The following RBMS2 variants were observed in gnomAD, a reference collection of about 807,000 sequenced individuals.
The protein encoded by RBMS2 is RNA-binding motif, single-stranded-interacting protein 2.
A neutral mutation model predicts 58.4 loss-of-function variants in RBMS2; 38 were observed. The ratio of observed to expected loss-of-function variants is 0.65; its 90% confidence interval spans 0.50 to 0.85. RBMS2 has a LOEUF of 0.85. Ranked by LOEUF, RBMS2 falls within the 40% of genes least tolerant of loss-of-function variation. The pLI, the probability that RBMS2 is intolerant of heterozygous loss-of-function variation, is 0.00. For missense variants in RBMS2, 367 were observed against 503.7 expected (o/e 0.73, Z 2.60); for synonymous variants, 151 against 180.7 (o/e 0.84, Z 1.32).
chr12:56,561,117 T>C (rs1372631859), intron 1 of RBMS2, among the ~76,000 whole-genome samples: 1 of 152,234 alleles, frequency 6.6e-6, no homozygotes, highest in Non-Finnish European at 1.5e-5. Flanking sequence ...TATGGCTCCG[T>C]AGTATTCCAT....
intron 1 of RBMS2, among the ~76,000 whole-genome samples, chr12:56,530,917 G>A (rs999605995): frequency 2.0e-5 from 3 of 152,090 alleles, no homozygotes; most frequent in African/African-American, 7.2e-5. Flanking sequence ...GCTAGGCCCT[G>A]GGGTTAAGGC....
In RBMS2 at chr12:56,581,387, C is replaced by G; in HGVS notation, c.623-12C>G. On this transcript the variant is annotated splice_polypyrimidine_tract_variant and intron_variant, in intron 6 of 13. Transcript: ENST00000262031. ...TGGGACTCAGCTGCCCATCTGCCTT[C>G]TCTCTCGGCAGCCCCATCCGATCCC... is the stretch of plus-strand genomic sequence containing the variant. The G allele has an allele frequency of 1.2e-6, 2 of 1,613,928 alleles. No homozygotes were observed. The highest frequency in any genetic ancestry group is 2.2e-5 in the South Asian group (2 of 91,072).
At chr12:56,524,957 G>T (rs1872390750) in intron 1 of RBMS2, among the ~76,000 whole-genome samples, 1 of 151,654 alleles carries the variant, frequency 6.6e-6, no homozygotes, top group South Asian at 2.1e-4. Flanking sequence ...CCTGACCTCA[G>T]GTAATCTGCC....
intron 1 of RBMS2, among the ~76,000 whole-genome samples, chr12:56,529,583 A>C (rs1021272237): frequency 6.6e-6 from 1 of 151,842 alleles, no homozygotes; most frequent in East Asian, 1.9e-4. Flanking sequence ...AACAATAACA[A>C]CAACAACAAC....
intron 1 of RBMS2, among the ~76,000 whole-genome samples, chr12:56,539,229 C>A (rs2638316): frequency 6.6e-6 from 1 of 151,770 alleles, no homozygotes; most frequent in Non-Finnish European, 1.5e-5. Context: ...GTTGGCCAGG[C>A]TGGTCTGGAA....
At chr12:56,588,455 C>G in intron 12 of RBMS2, 81 bp downstream of exon 12, 1 of 1,244,046 alleles carries the variant, frequency 8.0e-7, no homozygotes, top group Non-Finnish European at 1.2e-6. Flanking sequence ...ATCTTTCTCT[C>G]ACAATGATGC....
chr12:56,591,883 G>A lies in RBMS2; in HGVS notation c.*2750G>A, dbSNP rs1158260260. ...AATCTACTTGTTAGATTGTATTAATGAGTGTTTCTGGTTTGGGCATGGGAA... is the reference window on the plus strand; with the variant it reads ...AATCTACTTGTTAGATTGTATTAATAAGTGTTTCTGGTTTGGGCATGGGAA... On this transcript the variant is annotated 3_prime_UTR_variant, in exon 14 of 14. Coordinates refer to ENST00000262031, the MANE Select transcript of RBMS2 (RefSeq NM_002898.4). 1 of 152,130 alleles carries A rather than the reference G, an allele frequency of 6.6e-6. No individual in the cohort carries two copies. The highest frequency in any genetic ancestry group is 2.4e-5 in the African/African-American group (1 of 41,426). The allele number at this position is 152,130 out of a possible 1,614,324, so 9.4% of individuals were successfully genotyped here. A position where few individuals can be genotyped will look rare whatever the true frequency, so the allele number is the denominator to read the frequency against.
rs189694663 is a variant in RBMS2, at chr12:56,586,149, A to G, written c.874-700A>G. 5.6e-4 allele frequency among the ~76,000 whole-genome samples: 85 copies of G among 152,248 alleles called. No homozygotes were observed. The East Asian group carries it at 0.013, about 24-fold the overall frequency. On this transcript the variant is annotated intron_variant, in intron 9 of 13. Coordinates refer to ENST00000262031, the MANE Select transcript of RBMS2 (RefSeq NM_002898.4). ...TGAGACCATCCTGGCTAACACGGTG[A>G]AACCCTGTCTCTACTGAAAATACAA...
At chr12:56,573,863 C>T (rs1315277055) in intron 5 of RBMS2, among the ~76,000 whole-genome samples, 1 of 151,262 alleles carries the variant, frequency 6.6e-6, no homozygotes, top group Non-Finnish European at 1.5e-5. Flanking sequence ...GTTGTTGAGA[C>T]GAAGTCTCAC....
intron 2 of RBMS2, among the ~76,000 whole-genome samples, chr12:56,564,910 G>A (rs371394843): frequency 6.6e-6 from 1 of 152,168 alleles, no homozygotes; most frequent in Non-Finnish European, 1.5e-5. Flanking sequence ...GAAAGCAGAC[G>A]TTGCAGTGAG....
intron 5 of RBMS2, among the ~76,000 whole-genome samples, chr12:56,572,186 G>T (rs1247405651): frequency 6.6e-6 from 1 of 151,422 alleles, no homozygotes; most frequent in Non-Finnish European, 1.5e-5. Context: ...CTACTCAGGA[G>T]GCTGAGGCAG....
chr12:56,556,170 G>A (rs533941389), intron 1 of RBMS2, among the ~76,000 whole-genome samples: 77 of 152,116 alleles, frequency 5.1e-4, no homozygotes, highest in African/African-American at 1.7e-3. Context: ...ATTTTGGGAG[G>A]CCAAGGCTGG....
chr12:56,573,497 A>G (rs1366674596), intron 5 of RBMS2, among the ~76,000 whole-genome samples: 11 of 150,704 alleles, frequency 7.3e-5, no homozygotes, highest in African/African-American at 2.7e-4. Flanking sequence ...AAAAAAAAAA[A>G]AAAAAGAAGA....
At chr12:56,575,339 A>C (rs1389135465) in intron 5 of RBMS2, among the ~76,000 whole-genome samples, 1 of 152,128 alleles carries the variant, frequency 6.6e-6, no homozygotes, top group Non-Finnish European at 1.5e-5. Context: ...TGGGAGGCTA[A>C]GGTGGGAGGA....
rs537569429 is a variant in RBMS2 at position 56,592,127 on chromosome 12, C to T, written c.*2994C>T. ...GATGGCAGAAGGAAACATAGGGGAG[C>T]CTTCCAGCTCACAGCCAAGGGTTGG... On this transcript the variant is annotated 3_prime_UTR_variant, in exon 14 of 14. Transcript: ENST00000262031. 2.6e-5 allele frequency: 4 copies of T among 152,140 alleles called. No homozygotes were observed. The highest frequency in any genetic ancestry group is 6.5e-5 in the Admixed American group (1 of 15,288). 9.4% of individuals were successfully genotyped at this position (152,140 alleles called of 1,614,324 possible). A position where few individuals can be genotyped will look rare whatever the true frequency, so the allele number is the denominator to read the frequency against.
At chr12:56,570,531 ACTT>A (rs1272084720) in intron 4 of RBMS2, among the ~76,000 whole-genome samples, 2 of 152,052 alleles carry the variant, frequency 1.3e-5, no homozygotes, top group Non-Finnish European at 2.9e-5. Flanking sequence ...CTTTTCTCTC[ACTT>A]CTTCTGTTAG....
intron 2 of RBMS2, among the ~76,000 whole-genome samples, chr12:56,565,865 G>T (rs368229155): frequency 9.9e-5 from 15 of 152,232 alleles, no homozygotes; most frequent in African/African-American, 3.6e-4. Context: ...TCTCGGAGGG[G>T]CTCCTTCAAG....
intron 1 of RBMS2, among the ~76,000 whole-genome samples, chr12:56,546,259 A>G (rs984579119): frequency 1.0e-4 from 15 of 149,728 alleles, no homozygotes; most frequent in Admixed American, 4.0e-4. Context: ...CTGGGACTAC[A>G]GGCACCCGCC....
chr12:56,525,434 C>G (rs981038735), intron 1 of RBMS2, among the ~76,000 whole-genome samples: 1 of 151,992 alleles, frequency 6.6e-6, no homozygotes, highest in Non-Finnish European at 1.5e-5. Context: ...GTTGCCCAGG[C>G]TGGTCTTGAA....
Sources: allele counts gnomAD v4.1 joint callset (sites outside exome capture counted in the v4.1 genomes callset), GRCh38; gene constraint gnomAD v4.1.1; transcripts MANE v1.5; gene names NCBI Gene and HGNC (gene_info 2026-07-23, HGNC 2026-07-21).